Variants in TANC1 observed in about 807,000 individuals in gnomAD.
The protein encoded by TANC1 is tetratricopeptide repeat, ankyrin repeat and coiled-coil containing 1, also known as protein TANC1.
TANC1 carries 77 observed loss-of-function variants against 149.7 expected under a neutral mutation model. The ratio of observed to expected loss-of-function variants is 0.51; its 90% CI spans 0.43 to 0.62. The LOEUF (loss-of-function observed/expected upper bound fraction) is 0.62. Ranked by LOEUF, TANC1 falls within the 20% of genes least tolerant of loss-of-function variation. The pLI is 0.00. For missense variants in TANC1, 1,985 were observed against 2,321.8 expected (o/e 0.85, Z 2.98); for synonymous variants, 854 against 925.0 (o/e 0.92, Z 1.39).
rs192806290 is a variant in TANC1, at chr2:159,095,243, G to T, written c.62-2394G>T. 1.5e-3 allele frequency among the ~76,000 whole-genome samples: 222 copies of T among 152,192 alleles called. 1 individual carries two copies. The highest frequency in any genetic ancestry group is 5.1e-3 in the African/African-American group (211 of 41,526). On this transcript the variant is annotated intron_variant, in intron 3 of 26. Coordinates refer to ENST00000263635, the MANE Select transcript of TANC1 (RefSeq NM_033394.3). Reference sequence around the variant, plus strand: ...TTATGGGCATGAGCCACTGCACCCAGCCCTAGTGAGTTTTCTGATCTGTCT... The same window carrying T: ...TTATGGGCATGAGCCACTGCACCCATCCCTAGTGAGTTTTCTGATCTGTCT...
At chr2:159,212,970 G>C (rs1307009430) in intron 19 of TANC1, among the ~76,000 whole-genome samples, 1 of 151,998 alleles carries the variant, frequency 6.6e-6, no homozygotes, top group Non-Finnish European at 1.5e-5. Context: ...AAATGGTTTG[G>C]GGAAGGCCAG....
intron 2 of TANC1, among the ~76,000 whole-genome samples, chr2:159,024,257 T>C (rs2039072568): frequency 6.6e-6 from 1 of 152,200 alleles, no homozygotes; most frequent in South Asian, 2.1e-4. Context: ...CCTAGTGACA[T>C]GGTAGCCATT....
chr2:159,208,581 A>G (rs1360573619), intron 19 of TANC1, among the ~76,000 whole-genome samples: 3 of 152,274 alleles, frequency 2.0e-5, no homozygotes, highest in South Asian at 4.1e-4. Context: ...AAATGGGTTC[A>G]TGTCTGTCGG....
At chr2:159,216,034 G>T (rs1348823364) in intron 19 of TANC1, among the ~76,000 whole-genome samples, 1 of 151,594 alleles carries the variant, frequency 6.6e-6, no homozygotes, top group Non-Finnish European at 1.5e-5. Context: ...GCTGGGTGGG[G>T]AGATACACCT....
At chr2:158,994,911 A>C (rs10497203) in intron 1 of TANC1, among the ~76,000 whole-genome samples, 10,952 of 152,298 alleles carry the variant, frequency 0.072, 608 homozygotes, top group East Asian at 0.16. Flanking sequence ...GTGATACTAA[A>C]GGTGTATTTA....
chr2:158,969,903 G>C (rs1039040006), intron 1 of TANC1, among the ~76,000 whole-genome samples: 2 of 152,140 alleles, frequency 1.3e-5, no homozygotes, highest in African/African-American at 4.8e-5. Flanking sequence ...TTCCCTGCTG[G>C]AGTTAACTTG....
At position 158,983,706 on chromosome 2, in the gene TANC1, C is replaced by A. The variant is rs184028020; in HGVS notation, c.-126+14924C>A. 2.2e-3 allele frequency among the ~76,000 whole-genome samples: 329 copies of A among 152,166 alleles called. 1 individual carries two copies. The highest frequency in any genetic ancestry group is 0.014 in the South Asian group (66 of 4,814). ...TAAGTCTATTGTACTGTGCTCAAGTCATACATGCATATTCATTTATGAAAT... is the reference window on the plus strand; with the variant it reads ...TAAGTCTATTGTACTGTGCTCAAGTAATACATGCATATTCATTTATGAAAT... On this transcript the variant is annotated intron_variant, in intron 1 of 26. Coordinates refer to ENST00000263635, the MANE Select transcript of TANC1 (RefSeq NM_033394.3).
intron 4 of TANC1, among the ~76,000 whole-genome samples, 171 bp from the exon 5 acceptor site, chr2:159,136,023 T>TGTGTGTGC (rs2050643360): frequency 2.4e-5 from 2 of 84,104 alleles, no homozygotes; most frequent in African/African-American, 9.3e-5. Context: ...TGTGTGTGTG[T>TGTGTGTGC]GTGTGTGTGT....
chr2:159,020,473 C>T (rs977866652), intron 2 of TANC1, among the ~76,000 whole-genome samples: 1 of 152,048 alleles, frequency 6.6e-6, no homozygotes, highest in South Asian at 2.1e-4. Context: ...AGAAAAAGTC[C>T]CACCAAAGAA....
At chr2:159,007,252 T>G (rs937541848) in intron 2 of TANC1, among the ~76,000 whole-genome samples, 3 of 150,582 alleles carry the variant, frequency 2.0e-5, no homozygotes, top group African/African-American at 7.3e-5. Context: ...GTTCAAGCGA[T>G]TCTTCTGCCT....
chr2:159,217,357 GT>G, intron 19 of TANC1, 139 bp from the exon 20 acceptor site: 1 of 1,081,656 alleles, frequency 9.2e-7, no homozygotes, highest in South Asian at 1.5e-5. Flanking sequence ...GGTCAAAGCT[GT>G]CACAGAGCCC....
intron 19 of TANC1, among the ~76,000 whole-genome samples, chr2:159,205,713 G>A (rs914832258): frequency 1.3e-5 from 2 of 152,198 alleles, no homozygotes; most frequent in African/African-American, 4.8e-5. Context: ...ATCACCTAAC[G>A]ACTCATTTCT....
chr2:159,166,474 T>G (rs1209142500), intron 8 of TANC1, among the ~76,000 whole-genome samples: 1 of 152,180 alleles, frequency 6.6e-6, no homozygotes, highest in Non-Finnish European at 1.5e-5. Context: ...AGATATGGTG[T>G]GTGTGTGTGT....
intron 8 of TANC1, among the ~76,000 whole-genome samples, chr2:159,164,791 A>C (rs532225488): frequency 6.6e-6 from 1 of 152,334 alleles, no homozygotes; most frequent in East Asian, 1.9e-4. Context: ...CTGATAAATA[A>C]GTGGCCCTAA....
intron 18 of TANC1, among the ~76,000 whole-genome samples, chr2:159,197,446 C>T (rs1373690192): frequency 6.6e-6 from 1 of 152,106 alleles, no homozygotes; most frequent in African/African-American, 2.4e-5. Context: ...TATCTTCAAG[C>T]AATTAGAGGT....
rs2052916592 is a variant in TANC1 at position 159,152,393 on chromosome 2, CA to C, written c.682+1838del. Among the ~76,000 whole-genome samples, 4 of 151,904 alleles carry C rather than the reference CA, an allele frequency of 2.6e-5. No individual in the cohort carries two copies. The South Asian group carries it at 8.3e-4, about 32-fold the overall frequency. ...ATCTTCAAGGATGTGGCCAGTGCAG[CA>C]CTGTTTTGACAGGCTTTTTCTTTTG... On this transcript the variant is annotated intron_variant, in intron 7 of 26. Transcript: ENST00000263635.
chr2:159,055,865 G>T (rs1488734418), intron 2 of TANC1: 1 of 167,384 alleles, frequency 6.0e-6, no homozygotes, highest in African/African-American at 2.4e-5. Flanking sequence ...GAATTGCACA[G>T]CATAGCTTAT....
At chr2:159,011,527 A>ATTT (rs10586189) in intron 2 of TANC1, among the ~76,000 whole-genome samples, 35 of 106,746 alleles carry the variant, frequency 3.3e-4, no homozygotes, top group East Asian at 2.6e-3. Flanking sequence ...TACACCTTAA[A>ATTT]TTTTTTTTTT....
In TANC1 at chr2:159,176,528, A is replaced by C; in HGVS notation, c.1902+10A>C. On this transcript the variant is annotated intron_variant, in intron 13 of 26. Coordinates refer to ENST00000263635, the MANE Select transcript of TANC1 (RefSeq NM_033394.3). ...AAGAGCAAATTTTCAGGTAACAAAG[A>C]ATTCTCAAATCTTTCTCCAAGTCCC... 6.3e-7 allele frequency: 1 copy of C among 1,582,910 alleles called. No individual in the cohort carries two copies. Among genetic ancestry groups the C allele is most frequent in the Non-Finnish European group, 8.6e-7 (1 of 1,168,812 alleles).
Sources: allele counts gnomAD v4.1 joint callset (sites outside exome capture counted in the v4.1 genomes callset), GRCh38; gene constraint gnomAD v4.1.1; transcripts MANE v1.5; gene names NCBI Gene and HGNC (gene_info 2026-07-23, HGNC 2026-07-21).